NCKAP1L: variants seen among roughly 807,000 people sequenced by gnomAD.
NCKAP1L encodes the protein NCK associated protein 1 like.
NCKAP1L carries 53 observed loss-of-function variants against 139.2 expected under a neutral mutation model. That is an observed-to-expected ratio of 0.38 (90% confidence interval 0.31 to 0.48). The LOEUF (loss-of-function observed/expected upper bound fraction) is 0.48, where lower values mean the gene tolerates loss of function less well. Among genes scored for constraint, NCKAP1L ranks in the 20% least tolerant of loss-of-function variants. The pLI, the probability that NCKAP1L is intolerant of heterozygous loss-of-function variation, is 0.98. For synonymous variants in NCKAP1L, 468 were observed against 499.7 expected, an observed-to-expected ratio of 0.94 and a Z score of 0.85; for missense variants, 1,151 against 1,381.9, an observed-to-expected ratio of 0.83 and a Z score of 2.65.
Position 54,518,963 on chromosome 12 carries a change from C to T in NCKAP1L, c.1470C>T (p.Phe490=), listed in dbSNP as rs765245598. 1.2e-6 allele frequency: 2 copies of T among 1,613,516 alleles called. No individual in the cohort carries two copies. The highest frequency in any genetic ancestry group is 1.7e-5 in the Admixed American group (1 of 59,996). The change falls in exon 15 of 31, where the codon TTC becomes TTT. Residue 490 remains phenylalanine, a synonymous_variant. Transcript: ENST00000293373. ...FEFSGLRLDW[F]RLQAYTSVAK... ...TCTCAGGATTGAGGCTGGACTGGTT[C>T]CGCCTACAGGTAATGATCTGTTCCT... is the stretch of plus-strand genomic sequence containing the variant.
rs1250350081 is a variant in NCKAP1L, at chr12:54,528,280, T to A, written c.2409T>A (p.Ser803Arg). Reference sequence around the variant, plus strand: ...AAAGTCTGCTTAGACAGGCAAGCAGTGGGACCATCATCCTCTCCCCAGCCA... The same window carrying A: ...AAAGTCTGCTTAGACAGGCAAGCAGAGGGACCATCATCCTCTCCCCAGCCA... ...YLESLLRQAS[S>R]GTIILSPAMQ... Residue 803 changes from serine to arginine, a missense_variant, in exon 22 of 31, where the codon AGT (serine) becomes AGA (arginine). Physicochemically the swap from Ser to Arg is moderately radical, Grantham distance 110. Transcript: ENST00000293373. 3 of 1,613,810 alleles carry A rather than the reference T, an allele frequency of 1.9e-6. No homozygotes were observed. The highest frequency in any genetic ancestry group is 1.7e-5 in the Admixed American group (1 of 59,990).
Position 54,531,743 on chromosome 12 carries a change from G to C in NCKAP1L, c.2699G>C (p.Gly900Ala). 6.2e-7 allele frequency: 1 copy of C among 1,610,940 alleles called. No homozygotes were observed. Among genetic ancestry groups the C allele is most frequent in the African/African-American group, 1.3e-5 (1 of 74,964 alleles). Residue 900 changes from glycine to alanine, a missense_variant and splice_region_variant, in exon 25 of 31, where the codon GGG (glycine) becomes GCG (alanine). Gly to Ala is a moderately conservative substitution (Grantham distance 60). Coordinates refer to ENST00000293373, the MANE Select transcript of NCKAP1L (RefSeq NM_005337.5). ...LMASLLPQLT[G>A]AENVLKRMTI... ...TTCTAACACGCTTCTTTCTCCTCAG[G>C]GGCTGAAAATGTGCTAAAGCGCATG...
intron 11 of NCKAP1L, 132 bp from the exon 12 acceptor site, chr12:54,517,401 C>A: frequency 1.5e-6 from 1 of 672,680 alleles, no homozygotes; most frequent in Non-Finnish European, 2.6e-6. Flanking sequence ...TTTGGTGAGT[C>A]TGAATGTTTA....
intron 3 of NCKAP1L, 177 bp downstream of exon 3, chr12:54,500,802 T>C: frequency 5.5e-6 from 3 of 546,090 alleles, no homozygotes; most frequent in South Asian, 2.2e-5. Context: ...TAGTATATGA[T>C]ACATCACATT....
intron 21 of NCKAP1L, among the ~76,000 whole-genome samples, 190 bp downstream of exon 21, chr12:54,526,936 T>C (rs1261565183): frequency 6.6e-6 from 1 of 152,164 alleles, no homozygotes; most frequent in Non-Finnish European, 1.5e-5. Flanking sequence ...ACCACGAAGT[T>C]TCCTTCTCAC....
rs1291340610 is a variant in NCKAP1L at position 54,506,785 on chromosome 12, TAAAA to T, written c.307-1059_307-1056del. ...CTGTTCAAATCTTTTGGCAACATATTAAAAAAAAAAAATATATATATATATATAT... is the reference window on the plus strand; with the variant it reads ...CTGTTCAAATCTTTTGGCAACATATTAAAAAAAATATATATATATATATAT... On this transcript the variant is annotated intron_variant, in intron 3 of 30. Transcript: ENST00000293373. 5.3e-4 allele frequency among the ~76,000 whole-genome samples: 32 copies of T among 60,350 alleles called. 1 individual carries two copies. Among genetic ancestry groups the T allele is most frequent in the African/African-American group, 2.1e-3 (27 of 13,164 alleles). 39.6% of individuals were successfully genotyped at this position (60,350 alleles called of 152,430 possible).
At position 54,545,018 on chromosome 12, in the gene NCKAP1L, A is replaced by G. The variant is rs1957187569; in HGVS notation, c.*2333A>G. ...GTCTCAAAAAATAAATAATAATTTAAAAAAAGATACAGAACAGTTCCATCA... is the reference window on the plus strand; with the variant it reads ...GTCTCAAAAAATAAATAATAATTTAGAAAAAGATACAGAACAGTTCCATCA... On this transcript the variant is annotated 3_prime_UTR_variant, in exon 31 of 31. Coordinates refer to ENST00000293373, the MANE Select transcript of NCKAP1L (RefSeq NM_005337.5). 6.6e-6 allele frequency: 1 copy of G among 152,184 alleles called. No homozygotes were observed. The highest frequency in any genetic ancestry group is 2.4e-5 in the African/African-American group (1 of 41,428). 9.4% of individuals were successfully genotyped at this position (152,184 alleles called of 1,614,324 possible). A position where few individuals can be genotyped will look rare whatever the true frequency, so the allele number is the denominator to read the frequency against.
At position 54,511,964 on chromosome 12, in the gene NCKAP1L, G is replaced by C; in HGVS notation, c.800G>C (p.Cys267Ser). 6.2e-7 allele frequency: 1 copy of C among 1,614,184 alleles called. No individual in the cohort carries two copies. Among genetic ancestry groups the C allele is most frequent in the South Asian group, 1.1e-5 (1 of 91,090 alleles). The change falls in exon 9 of 31, where the codon TGT (cysteine) becomes TCT (serine). Residue 267 changes from cysteine (C) to serine (S), a missense_variant. By Grantham distance (112) the Cys-to-Ser change is moderately radical. Transcript: ENST00000293373. ...ERWIIIGFLL[C>S]HGCLNSNSQC... ...CCACCTACAGTTGGGTTTCTTCTTT[G>C]TCATGGGTGCCTCAACTCCAATAGC...
At chr12:54,537,228 T>G (rs1957120139) in intron 29 of NCKAP1L, among the ~76,000 whole-genome samples, 175 bp downstream of exon 29, 1 of 152,246 alleles carries the variant, frequency 6.6e-6, no homozygotes, top group African/African-American at 2.4e-5. Context: ...CTAAATTTCC[T>G]AACAGCTGGT....
chr12:54,537,199 T>A (rs1957120003), intron 29 of NCKAP1L, 146 bp downstream of exon 29: 1 of 543,996 alleles, frequency 1.8e-6, no homozygotes, highest in Non-Finnish European at 3.3e-6. Context: ...AGCTACTATG[T>A]GAAAGGCAAG....
chr12:54,528,711 C>T (rs528680025), intron 22 of NCKAP1L, among the ~76,000 whole-genome samples: 17 of 151,766 alleles, frequency 1.1e-4, no homozygotes, highest in African/African-American at 3.1e-4. Flanking sequence ...CCGCAACCTG[C>T]GCCTCCCGGG....
intron 30 of NCKAP1L, 100 bp from the exon 31 acceptor site, chr12:54,542,475 C>A: frequency 1.2e-6 from 1 of 859,094 alleles, no homozygotes; most frequent in Non-Finnish European, 1.9e-6. Flanking sequence ...ACTTGTAACT[C>A]TCAGGGCCTC....
At chr12:54,533,549 G>A (rs777073283) in intron 26 of NCKAP1L, among the ~76,000 whole-genome samples, 3 of 152,018 alleles carry the variant, frequency 2.0e-5, no homozygotes, top group Non-Finnish European at 4.4e-5. Flanking sequence ...ACAGCAAAGT[G>A]TGTGTATGTT....
At chr12:54,510,814 G>A (rs370815591) in intron 7 of NCKAP1L, among the ~76,000 whole-genome samples, 4 of 151,648 alleles carry the variant, frequency 2.6e-5, no homozygotes, top group South Asian at 2.1e-4. Context: ...GAGCCACCGC[G>A]CCCAGCCTGT....
intron 27 of NCKAP1L, 60 bp downstream of exon 27, chr12:54,535,257 G>GA: frequency 3.9e-6 from 5 of 1,297,262 alleles, no homozygotes; most frequent in Non-Finnish European, 5.5e-6. Context: ...TATTTTGGGT[G>GA]AAAAAATGTC....
intron 5 of NCKAP1L, among the ~76,000 whole-genome samples, 193 bp downstream of exon 5, chr12:54,508,724 G>C (rs1235949264): frequency 6.6e-6 from 1 of 152,148 alleles, no homozygotes; most frequent in Non-Finnish European, 1.5e-5. Context: ...AACTACGCAG[G>C]TCCACTTTAT....
chr12:54,523,443 A>C lies in NCKAP1L; in HGVS notation c.1928A>C (p.Lys643Thr), dbSNP rs1957002121. The C allele has an allele frequency of 1.2e-6, 2 of 1,614,182 alleles. No individual in the cohort carries two copies. Among genetic ancestry groups the C allele is most frequent in the African/African-American group, 2.7e-5 (2 of 75,044 alleles). ...ATTISKAKNKKTRKQRQTPRK... is the reference protein window; with the variant it reads ...ATTISKAKNKTTRKQRQTPRK... Reference sequence around the variant, plus strand: ...ACAATCAGCAAAGCCAAGAACAAGAAAACCAGGAAGCAGAGGCAGACTCCC... The same window carrying C: ...ACAATCAGCAAAGCCAAGAACAAGACAACCAGGAAGCAGAGGCAGACTCCC... Residue 643 changes from lysine to threonine, a missense_variant, in exon 19 of 31, where the codon AAA becomes ACA. Physicochemically the swap from Lys to Thr is moderately conservative, Grantham distance 78. Transcript: ENST00000293373.
intron 27 of NCKAP1L, 74 bp from the exon 28 acceptor site, chr12:54,536,054 AG>A (rs34084680): frequency 0.06 from 61,251 of 1,014,558 alleles, 2,039 homozygotes; most frequent in African/African-American, 0.1. Flanking sequence ...TCTGTGAAGT[AG>A]GACCCCTGTA....
Position 54,509,830 on chromosome 12 carries a change from A to G in NCKAP1L, c.598-18A>G, listed in dbSNP as rs1216209324. ...TCCTCATGATTGCCGCTAAGGTTTC[A>G]TTTGCTTTTCCCCACAGGCTGTGAG... On this transcript the variant is annotated intron_variant, in intron 6 of 30. Transcript: ENST00000293373. The G allele has an allele frequency of 1.2e-6, 2 of 1,614,048 alleles. No individual in the cohort carries two copies. The highest frequency in any genetic ancestry group is 1.7e-6 in the Non-Finnish European group (2 of 1,179,972).
Sources: gnomAD v4.1 joint callset for allele counts (sites outside exome capture counted in the v4.1 genomes callset) on GRCh38, gnomAD v4.1.1 for gene constraint, MANE v1.5 for transcripts, NCBI Gene and HGNC (gene_info 2026-07-23, HGNC 2026-07-21) for gene names.